Variants in KIAA0825 observed in about 807,000 individuals in gnomAD.
KIAA0825 encodes uncharacterized protein KIAA0825.
Under a neutral mutation model 147.6 loss-of-function variants are expected in KIAA0825, and 119 were observed. The ratio of observed to expected loss-of-function variants is 0.81; its 90% CI spans 0.69 to 0.94. The LOEUF (loss-of-function observed/expected upper bound fraction) is 0.94, where lower values mean the gene tolerates loss of function less well. Among genes scored for constraint, KIAA0825 ranks in the 40% least tolerant of loss-of-function variants. KIAA0825 has a pLI of 0.00. For synonymous variants in KIAA0825, 470 were observed against 518.1 expected, an observed-to-expected ratio of 0.91 and a Z score of 1.26; for missense variants, 1,381 against 1,472.7, an observed-to-expected ratio of 0.94 and a Z score of 1.02.
At chr5:94,422,559 A>G (rs1754333827) in intron 14 of KIAA0825, among the ~76,000 whole-genome samples, 1 of 152,176 alleles carries the variant, frequency 6.6e-6, no homozygotes, top group Admixed American at 6.6e-5. Context: ...TGCCTCAGCC[A>G]TGAACCTTGC....
chr5:94,413,571 G>C (rs1193833730), intron 15 of KIAA0825: 1 of 152,136 alleles, frequency 6.6e-6, no homozygotes, highest in East Asian at 1.9e-4. Flanking sequence ...TGAAATTCTA[G>C]AATATCAAAA....
chr5:94,444,689 G>T (rs1757516225), intron 13 of KIAA0825, among the ~76,000 whole-genome samples: 1 of 151,680 alleles, frequency 6.6e-6, no homozygotes, highest in Non-Finnish European at 1.5e-5. Flanking sequence ...TGCAGCAGGG[G>T]GTACTGTAGC....
intron 12 of KIAA0825, among the ~76,000 whole-genome samples, chr5:94,455,202 A>C (rs989192397): frequency 1.3e-5 from 2 of 152,106 alleles, no homozygotes. Flanking sequence ...CCCCGCCAAA[A>C]AAAAGGAACG....
chr5:94,599,488 T>C (rs919805476), intron 1 of KIAA0825, among the ~76,000 whole-genome samples: 3 of 151,896 alleles, frequency 2.0e-5, no homozygotes, highest in African/African-American at 7.3e-5. Flanking sequence ...TTGGACTCTT[T>C]CCTCACAAGA....
At chr5:94,249,489 G>A (rs1013227371) in intron 20 of KIAA0825, among the ~76,000 whole-genome samples, 3 of 152,092 alleles carry the variant, frequency 2.0e-5, no homozygotes. Context: ...TCATGGTAGT[G>A]ACAGCAGAGC....
intron 20 of KIAA0825, among the ~76,000 whole-genome samples, chr5:94,211,835 C>A (rs2150045582): frequency 6.6e-6 from 1 of 152,272 alleles, no homozygotes; most frequent in Non-Finnish European, 1.5e-5. Context: ...TATTTTCTTA[C>A]AGAGCATATC....
At chr5:94,308,162 A>G (rs1465718406) in intron 20 of KIAA0825, among the ~76,000 whole-genome samples, 1 of 151,828 alleles carries the variant, frequency 6.6e-6, no homozygotes, top group African/African-American at 2.4e-5. Flanking sequence ...TGGGAAAATG[A>G]AATGAAATTC....
At chr5:94,189,762 T>A (rs1770491736) in intron 20 of KIAA0825, among the ~76,000 whole-genome samples, 1 of 152,152 alleles carries the variant, frequency 6.6e-6, no homozygotes, top group Non-Finnish European at 1.5e-5. Flanking sequence ...TCATTCTGAA[T>A]CCTTTACTTT....
chr5:94,371,838 C>T (rs529138141), intron 20 of KIAA0825, among the ~76,000 whole-genome samples: 40 of 152,226 alleles, frequency 2.6e-4, no homozygotes, highest in Admixed American at 9.8e-4. Flanking sequence ...CAACATTAAC[C>T]CAAAAGTCCA....
intron 20 of KIAA0825, among the ~76,000 whole-genome samples, chr5:94,303,597 A>C (rs1778538059): frequency 6.6e-6 from 1 of 152,138 alleles, no homozygotes; most frequent in East Asian, 1.9e-4. Context: ...TTCTGTATAA[A>C]GAAGAATTGG....
At chr5:94,419,049 G>GT (rs1264656212) in intron 14 of KIAA0825, among the ~76,000 whole-genome samples, 2 of 151,874 alleles carry the variant, frequency 1.3e-5, no homozygotes, top group African/African-American at 4.8e-5. Flanking sequence ...ATTCTTTTTT[G>GT]TTTTATTGTA....
At chr5:94,612,044 A>C (rs1371092887) in intron 1 of KIAA0825, 1 of 152,168 alleles carries the variant, frequency 6.6e-6, no homozygotes, top group African/African-American at 2.4e-5. Context: ...TGATGCCAAA[A>C]ATCAGTTGTT....
intron 20 of KIAA0825, among the ~76,000 whole-genome samples, chr5:94,302,939 A>C (rs1002716324): frequency 2.0e-5 from 3 of 152,094 alleles, no homozygotes; most frequent in African/African-American, 7.2e-5. Context: ...ATGTCAGGTA[A>C]CACATACACT....
chr5:94,362,553 A>G (rs1366685704), intron 20 of KIAA0825, among the ~76,000 whole-genome samples: 2 of 146,070 alleles, frequency 1.4e-5, no homozygotes, highest in African/African-American at 4.9e-5. Context: ...CCCCATCTCC[A>G]GATGTACGTT....
intron 14 of KIAA0825, among the ~76,000 whole-genome samples, chr5:94,418,934 G>A (rs938649928): frequency 6.6e-6 from 1 of 152,088 alleles, no homozygotes; most frequent in African/African-American, 2.4e-5. Context: ...CTGGAATTCA[G>A]TGGCATGATT....
chr5:94,524,664 T>C (rs1768916976), intron 3 of KIAA0825, among the ~76,000 whole-genome samples: 1 of 151,706 alleles, frequency 6.6e-6, no homozygotes, highest in South Asian at 2.1e-4. Context: ...TTACTAAAAA[T>C]TGCATTTAAA....
At chr5:94,208,060 G>A (rs926672723) in intron 20 of KIAA0825, among the ~76,000 whole-genome samples, 5 of 152,086 alleles carry the variant, frequency 3.3e-5, no homozygotes, top group Non-Finnish European at 7.4e-5. Flanking sequence ...GTAGCATGCT[G>A]TAAGGTCATT....
At chr5:94,605,890 A>G (rs937260240) in intron 1 of KIAA0825, among the ~76,000 whole-genome samples, 5 of 152,248 alleles carry the variant, frequency 3.3e-5, no homozygotes, top group Non-Finnish European at 7.3e-5. Context: ...TCCATTCAAC[A>G]TAGTATCAAA....
rs147930253 is a variant in KIAA0825, at chr5:94,347,524, C to A, written c.3710+36844G>T. Among the ~76,000 whole-genome samples the A allele has an allele frequency of 5.5e-4, 83 of 152,288 alleles. 1 individual carries two copies. The highest frequency in any genetic ancestry group is 1.9e-3 in the African/African-American group (77 of 41,572). On this transcript the variant is annotated intron_variant, in intron 20 of 20. Transcript: ENST00000682413. Reference sequence around the variant, plus strand: ...TACAGCTTGGTGCTGGGAAGACTCGCTGGGTGGCTAGACTCAGAAGAGAGA... The same window carrying A: ...TACAGCTTGGTGCTGGGAAGACTCGATGGGTGGCTAGACTCAGAAGAGAGA...
Sources: allele counts gnomAD v4.1 joint callset (sites outside exome capture counted in the v4.1 genomes callset), GRCh38; gene constraint gnomAD v4.1.1; transcripts MANE v1.5; gene names NCBI Gene and HGNC (gene_info 2026-07-23, HGNC 2026-07-21).